CDC42EP4: variants seen among roughly 807,000 people sequenced by gnomAD.
CDC42EP4 encodes the protein CDC42 effector protein (Rho GTPase binding) 4.
A neutral mutation model predicts 5.6 loss-of-function variants in CDC42EP4; 6 were observed. The ratio of observed to expected loss-of-function variants is 1.07; its 90% CI spans 0.59 to 2.12. The LOEUF (loss-of-function observed/expected upper bound fraction) is 2.12. Ranked by LOEUF, CDC42EP4 falls within the 30% of genes most tolerant of loss-of-function variation. The pLI is 0.00. For missense variants in CDC42EP4, 490 were observed against 508.6 expected (o/e 0.96, Z 0.35); for synonymous variants, 230 against 224.2 (o/e 1.03, Z -0.23).
At chr17:73,306,030 T>C (rs1344911289) in intron 1 of CDC42EP4, among the ~76,000 whole-genome samples, 1 of 152,136 alleles carries the variant, frequency 6.6e-6, no homozygotes, top group Non-Finnish European at 1.5e-5. Context: ...CTGAGTTCCC[T>C]CATCCCGTCA....
rs1027425381 is a variant in CDC42EP4, at chr17:73,285,406, C to A, written c.*24G>T. ...CAGGGAGAAGATGCAGCCAAGAGCT[C>A]CCGGTGGCCACCCACTGTCCGCCTC... On this transcript the variant is annotated 3_prime_UTR_variant, in exon 2 of 2. Transcript: ENST00000335793. The surrounding 1 kb of genome is among the most constrained non-coding windows in gnomAD (Gnocchi z 6.8). 1 of 1,524,854 alleles carries A rather than the reference C, an allele frequency of 6.6e-7. No homozygotes were observed. Among genetic ancestry groups the A allele is most frequent in the Admixed American group, 2.0e-5 (1 of 51,122 alleles). 94.5% of individuals were successfully genotyped at this position (1,524,854 alleles called of 1,614,324 possible). A position where few individuals can be genotyped will look rare whatever the true frequency, so the allele number is the denominator to read the frequency against.
chr17:73,310,398 C>T (rs1348512221), intron 1 of CDC42EP4, among the ~76,000 whole-genome samples: 1 of 152,032 alleles, frequency 6.6e-6, no homozygotes, highest in Non-Finnish European at 1.5e-5. Flanking sequence ...TGCTGGGGTT[C>T]GGACGAGAGA....
At chr17:73,304,253 TA>T (rs1458903428) in intron 1 of CDC42EP4, among the ~76,000 whole-genome samples, 2 of 151,422 alleles carry the variant, frequency 1.3e-5, no homozygotes, top group Non-Finnish European at 2.9e-5. Flanking sequence ...TTATTTTGAT[TA>T]AACTGTCTCT....
At chr17:73,293,125 G>A (rs1327200446) in intron 1 of CDC42EP4, among the ~76,000 whole-genome samples, 2 of 152,192 alleles carry the variant, frequency 1.3e-5, no homozygotes, top group Non-Finnish European at 2.9e-5. Flanking sequence ...TGGCATTACA[G>A]GCATGAGCCA....
rs1301420586 is a variant in CDC42EP4, at chr17:73,285,282, G to C, written c.*148C>G. 2 of 631,346 alleles carry C rather than the reference G, an allele frequency of 3.2e-6. No homozygotes were observed. The highest frequency in any genetic ancestry group is 3.6e-5 in the African/African-American group (2 of 54,856). The allele number at this position is 631,346 out of a possible 1,614,324, so 39.1% of individuals were successfully genotyped here. On this transcript the variant is annotated 3_prime_UTR_variant, in exon 2 of 2. Coordinates refer to ENST00000335793, the MANE Select transcript of CDC42EP4 (RefSeq NM_012121.5). The surrounding 1 kb of genome is among the most constrained non-coding windows in gnomAD (Gnocchi z 6.8). The stretch of plus-strand genomic sequence containing the variant: ...CGTCCTCCGAAGACCCGAGGGCCAG[G>C]CCAGTGTCCCTCATCTACAAGGTCC...
chr17:73,311,724 C>T (rs1599447152), intron 1 of CDC42EP4, among the ~76,000 whole-genome samples, 169 bp downstream of exon 1: 3 of 152,186 alleles, frequency 2.0e-5, no homozygotes, highest in African/African-American at 7.2e-5. Context: ...CGGTGAAAAG[C>T]GCGAGCGCCG....
Position 73,285,883 on chromosome 17 carries a change from G to A in CDC42EP4, c.618C>T (p.Ile206=). The stretch of plus-strand genomic sequence containing the variant: ...GCCCCAGGTCGATGTGGAAGGACAT[G>A]ATGGACTCCGCATGCTTCAGCCCGT... ...ATYGLKHAES[I]MSFHIDLGPS... The change falls in exon 2 of 2, where the codon ATC becomes ATT. Residue 206 remains isoleucine, a synonymous_variant. Transcript: ENST00000335793. This position sits in a 1 kb window ranked among gnomAD's most constrained non-coding sequence, Gnocchi z 6.8. 1 of 1,614,080 alleles carries A rather than the reference G, an allele frequency of 6.2e-7. No individual in the cohort carries two copies. Among genetic ancestry groups the A allele is most frequent in the Non-Finnish European group, 8.5e-7 (1 of 1,180,034 alleles).
At chr17:73,299,738 G>T (rs1228026470) in intron 1 of CDC42EP4, among the ~76,000 whole-genome samples, 3 of 152,136 alleles carry the variant, frequency 2.0e-5, no homozygotes, top group African/African-American at 7.2e-5. Context: ...TGTGGAGCAG[G>T]GTGGGGTAGG....
In CDC42EP4 at chr17:73,286,844, T is replaced by G; in HGVS notation, c.-112-232A>C. Reference sequence around the variant, plus strand: ...GAGTTCCAGTAGCCTCGGACACACTTTCCCTGAAACTTGAGAGAGACAGAA... The same window carrying G: ...GAGTTCCAGTAGCCTCGGACACACTGTCCCTGAAACTTGAGAGAGACAGAA... On this transcript the variant is annotated intron_variant, in intron 1 of 1. Transcript: ENST00000335793. The surrounding 1 kb of genome is among the most constrained non-coding windows in gnomAD (Gnocchi z 7.7). 2 of 236,722 alleles carry G rather than the reference T, an allele frequency of 8.4e-6. No individual in the cohort carries two copies. Among genetic ancestry groups the G allele is most frequent in the Non-Finnish European group, 8.3e-6 (1 of 121,146 alleles). The allele number at this position is 236,722 out of a possible 1,614,324, so 14.7% of individuals were successfully genotyped here.
intron 1 of CDC42EP4, among the ~76,000 whole-genome samples, chr17:73,310,525 G>A (rs1158030929): frequency 6.6e-6 from 1 of 152,082 alleles, no homozygotes. Context: ...CAAACAGTGG[G>A]CACCGGGCAC....
At chr17:73,305,893 G>C (rs1247996055) in intron 1 of CDC42EP4, among the ~76,000 whole-genome samples, 1 of 152,116 alleles carries the variant, frequency 6.6e-6, no homozygotes, top group Non-Finnish European at 1.5e-5. Flanking sequence ...GGGGTTCCCA[G>C]GATTATCTGA....
chr17:73,286,390 G>C lies in CDC42EP4; in HGVS notation c.111C>G (p.Thr37=), dbSNP rs2062134329. 6.2e-7 allele frequency: 1 copy of C among 1,613,906 alleles called. No individual in the cohort carries two copies. The highest frequency in any genetic ancestry group is 1.3e-5 in the African/African-American group (1 of 74,964). The change falls in exon 2 of 2, where the codon ACC becomes ACG. Residue 37 remains threonine, a synonymous_variant. Transcript: ENST00000335793. This position sits in a 1 kb window ranked among gnomAD's most constrained non-coding sequence, Gnocchi z 7.7. ...ISAPLGDFRH[T]MHVGRAGDAF... is the part of the protein sequence containing the mutation. The stretch of plus-strand genomic sequence containing the variant: ...CGTCTCCGGCCCGGCCAACGTGCAT[G>C]GTGTGGCGGAAGTCGCCCAGCGGGG...
intron 1 of CDC42EP4, among the ~76,000 whole-genome samples, chr17:73,308,516 C>T (rs1397825908): frequency 6.6e-6 from 1 of 152,230 alleles, no homozygotes; most frequent in African/African-American, 2.4e-5. Flanking sequence ...CCAAGTGCAA[C>T]CCTGACCACT....
chr17:73,303,701 G>C (rs1599441233), intron 1 of CDC42EP4, among the ~76,000 whole-genome samples: 1 of 150,894 alleles, frequency 6.6e-6, no homozygotes, highest in Non-Finnish European at 1.5e-5. Flanking sequence ...CCTTCCTTTA[G>C]TTTTAAAAAC....
At chr17:73,302,099 G>A (rs1489348069) in intron 1 of CDC42EP4, among the ~76,000 whole-genome samples, 1 of 152,214 alleles carries the variant, frequency 6.6e-6, no homozygotes, top group African/African-American at 2.4e-5. Flanking sequence ...CTCCCAAAGT[G>A]CTAGGATTAC....
At chr17:73,309,058 A>G (rs1568347270) in intron 1 of CDC42EP4, among the ~76,000 whole-genome samples, 2 of 147,058 alleles carry the variant, frequency 1.4e-5, no homozygotes, top group Non-Finnish European at 1.5e-5. Flanking sequence ...AAAAAAAAAA[A>G]GGGTTGGCCA....
At chr17:73,299,446 C>CACACACAT (rs2062206898) in intron 1 of CDC42EP4, among the ~76,000 whole-genome samples, 1 of 62,542 alleles carries the variant, frequency 1.6e-5, no homozygotes. Flanking sequence ...AAAAAAAATA[C>CACACACAT]ACACACACAC....
intron 1 of CDC42EP4, among the ~76,000 whole-genome samples, chr17:73,291,970 C>T (rs763775610): frequency 7.2e-5 from 11 of 152,216 alleles, no homozygotes; most frequent in Non-Finnish European, 1.2e-4. Context: ...CCTATCCTCC[C>T]TGGCCCTCCC....
At chr17:73,303,632 A>G (rs1171585183) in intron 1 of CDC42EP4, among the ~76,000 whole-genome samples, 1 of 151,082 alleles carries the variant, frequency 6.6e-6, no homozygotes, top group African/African-American at 2.4e-5. Context: ...TCTGCACTCC[A>G]GCCTGGGCAA....
Sources: allele counts gnomAD v4.1 joint callset (sites outside exome capture counted in the v4.1 genomes callset), GRCh38; gene constraint gnomAD v4.1.1; non-coding constraint Gnocchi (gnomAD v3.1); transcripts MANE v1.5; gene names NCBI Gene and HGNC (gene_info 2026-07-23, HGNC 2026-07-21).